Variants in EFCAB13 observed in about 807,000 individuals in gnomAD.
EFCAB13 encodes the protein EF-hand calcium binding domain 13.
A neutral mutation model predicts 110.2 loss-of-function variants in EFCAB13; 91 were observed. The observed-to-expected ratio is 0.83, with a 90% CI of 0.70 to 0.98. EFCAB13 has a LOEUF of 0.98. EFCAB13 is among the 50% of genes least tolerant of loss of function. The pLI, the probability that EFCAB13 is intolerant of heterozygous loss-of-function variation, is 0.00. For missense variants in EFCAB13, 968 were observed against 1,119.4 expected, an observed-to-expected ratio of 0.86 and a Z score of 1.93; for synonymous variants, 323 against 369.9, an observed-to-expected ratio of 0.87 and a Z score of 1.45.
chr17:47,389,596 T>C (rs560788907), intron 14 of EFCAB13, among the ~76,000 whole-genome samples: 8 of 151,156 alleles, frequency 5.3e-5, no homozygotes, highest in African/African-American at 1.7e-4. Context: ...TTTTTTTTTT[T>C]ACCCTATCCC....
intron 10 of EFCAB13, among the ~76,000 whole-genome samples, chr17:47,364,107 T>C (rs1270768855): frequency 2.0e-5 from 3 of 152,144 alleles, no homozygotes; most frequent in African/African-American, 7.2e-5. Flanking sequence ...ACTAATTTTA[T>C]AGAATTGTTA....
Position 47,374,521 on chromosome 17 carries a change from A to T in EFCAB13, c.927A>T (p.Leu309Phe), listed in dbSNP as rs771393443. The T allele has an allele frequency of 1.3e-6, 2 of 1,562,422 alleles. No homozygotes were observed. Among genetic ancestry groups the T allele is most frequent in the Middle Eastern group, 1.7e-4 (1 of 5,828 alleles). ...PLNEITSDRK[L>F]SSVAGCYLKY... ...ATGAAATTACTTCAGACAGAAAGTT[A>T]TCAAGTGTAGCAGGATGCTATCTAA... The change falls in exon 12 of 25, where the codon TTA becomes TTT. Residue 309 changes from leucine (L) to phenylalanine (F), a missense_variant. Physicochemically the swap from Leu to Phe is conservative, Grantham distance 22. Coordinates refer to ENST00000331493, the MANE Select transcript of EFCAB13 (RefSeq NM_152347.5).
chr17:47,404,579 ATTAAAGAC>A lies in EFCAB13; in HGVS notation c.2181_2188del (p.Ile727MetfsTer16). ...CCTTGCAGAAGATAACATGGTGAAC[ATTAAAGAC>A]TGTATGAGGGCTTTGAGGGACACCC... On this transcript the variant is annotated frameshift_variant, in exon 20 of 25. Transcript: ENST00000331493. LOFTEE classifies it high-confidence loss of function. 6.2e-7 allele frequency: 1 copy of A among 1,612,872 alleles called. No homozygotes were observed. The highest frequency in any genetic ancestry group is 2.2e-5 in the East Asian group (1 of 44,738).
intron 10 of EFCAB13, among the ~76,000 whole-genome samples, chr17:47,368,647 G>C (rs953047764): frequency 6.6e-6 from 1 of 152,158 alleles, no homozygotes; most frequent in African/African-American, 2.4e-5. Context: ...GCACCATGTG[G>C]CTCAAAAGAA....
intron 14 of EFCAB13, among the ~76,000 whole-genome samples, chr17:47,387,714 C>T (rs2065684440): frequency 6.6e-6 from 1 of 152,150 alleles, no homozygotes; most frequent in African/African-American, 2.4e-5. Flanking sequence ...GTTTGCTGTT[C>T]TTCCTTGTGG....
intron 24 of EFCAB13, among the ~76,000 whole-genome samples, chr17:47,432,799 A>G (rs1177555146): frequency 1.3e-5 from 2 of 152,042 alleles, no homozygotes; most frequent in Non-Finnish European, 2.9e-5. Context: ...TGAATAGTAC[A>G]TGGCTTTGCC....
At chr17:47,399,779 T>A (rs1390827182) in intron 17 of EFCAB13, among the ~76,000 whole-genome samples, 2 of 152,122 alleles carry the variant, frequency 1.3e-5, no homozygotes, top group Non-Finnish European at 2.9e-5. Context: ...AATTTTATGA[T>A]GATTACAAAA....
chr17:47,335,474 A>G (rs1295238828), intron 5 of EFCAB13, 118 bp downstream of exon 5: 5 of 752,458 alleles, frequency 6.6e-6, no homozygotes, highest in Non-Finnish European at 9.7e-6. Flanking sequence ...GATCATGCAT[A>G]TTTGTGGTCA....
At chr17:47,357,670 C>T (rs1292191011) in intron 9 of EFCAB13, among the ~76,000 whole-genome samples, 1 of 152,246 alleles carries the variant, frequency 6.6e-6, no homozygotes, top group Non-Finnish European at 1.5e-5. Context: ...CTGCCTCGGC[C>T]TCCCAAAGTT....
intron 14 of EFCAB13, among the ~76,000 whole-genome samples, chr17:47,390,405 T>A (rs1355840658): frequency 6.6e-6 from 1 of 152,146 alleles, no homozygotes; most frequent in African/African-American, 2.4e-5. Context: ...AGGTGCCACC[T>A]CTACTTTGAA....
intron 8 of EFCAB13, among the ~76,000 whole-genome samples, chr17:47,345,535 T>C (rs1327427118): frequency 1.1e-4 from 16 of 152,134 alleles, no homozygotes; most frequent in Admixed American, 1.0e-3. Context: ...CACATAGTTT[T>C]CCTTTTACCT....
chr17:47,397,307 C>G (rs1201759360), intron 17 of EFCAB13, among the ~76,000 whole-genome samples: 1 of 152,210 alleles, frequency 6.6e-6, no homozygotes, highest in Non-Finnish European at 1.5e-5. Context: ...GTCTGGTTCA[C>G]TCAGTGCTCA....
chr17:47,439,209 C>A (rs1905270830), intron 24 of EFCAB13, among the ~76,000 whole-genome samples: 1 of 96,152 alleles, frequency 1.0e-5, no homozygotes, highest in Non-Finnish European at 1.9e-5. Flanking sequence ...CAGATTCTTG[C>A]TCTGTCGCTC....
intron 20 of EFCAB13, 52 bp from the exon 21 acceptor site, chr17:47,409,595 T>G: frequency 7.2e-7 from 1 of 1,384,660 alleles, no homozygotes; most frequent in African/African-American, 1.4e-5. Flanking sequence ...TCAAACAGGG[T>G]AAGATCAGGA....
rs1230280660 is a variant in EFCAB13 at position 47,324,528 on chromosome 17, G to T, written c.-248+5G>T. The T allele has an allele frequency of 6.6e-6, 1 of 152,176 alleles. No homozygotes were observed. The highest frequency in any genetic ancestry group is 2.4e-5 in the African/African-American group (1 of 41,428). The allele number at this position is 152,176 out of a possible 1,614,324, so 9.4% of individuals were successfully genotyped here. ...GGGTTCTTGGAAGAGGTGGAGGTTC[G>T]TTCACTCGACGTTTGTTACACAAAT... On this transcript the variant is annotated splice_donor_5th_base_variant and intron_variant, in intron 2 of 24. Coordinates refer to ENST00000331493, the MANE Select transcript of EFCAB13 (RefSeq NM_152347.5).
At chr17:47,351,304 T>TGTGTGTGTGC (rs1280645583) in intron 9 of EFCAB13, among the ~76,000 whole-genome samples, 1 of 122,978 alleles carries the variant, frequency 8.1e-6, no homozygotes, top group African/African-American at 2.6e-5. Flanking sequence ...TGTGTGTGTG[T>TGTGTGTGTGC]GCGCGCGCGC....
intron 23 of EFCAB13, among the ~76,000 whole-genome samples, chr17:47,424,321 G>A (rs1209103234): frequency 6.6e-6 from 1 of 152,228 alleles, no homozygotes; most frequent in Non-Finnish European, 1.5e-5. Flanking sequence ...GACGCTGGCG[G>A]ATGTGCGAGC....
At chr17:47,412,955 T>C (rs1479009406) in intron 22 of EFCAB13, 39 bp downstream of exon 22, 1 of 1,590,068 alleles carries the variant, frequency 6.3e-7, no homozygotes, top group Non-Finnish European at 8.6e-7. Flanking sequence ...TTCATTTTTT[T>C]TCTACTTATG....
chr17:47,400,233 A>G (rs1473294922), intron 17 of EFCAB13, among the ~76,000 whole-genome samples: 1 of 152,234 alleles, frequency 6.6e-6, no homozygotes, highest in Non-Finnish European at 1.5e-5. Flanking sequence ...CATTGAAGCC[A>G]GATCTGAATC....
Sources: gnomAD v4.1 joint callset for allele counts (sites outside exome capture counted in the v4.1 genomes callset) on GRCh38, gnomAD v4.1.1 for gene constraint, MANE v1.5 for transcripts, NCBI Gene and HGNC (gene_info 2026-07-23, HGNC 2026-07-21) for gene names.